Variants in ESRRB observed in about 807,000 individuals in gnomAD.
The protein encoded by ESRRB is estrogen related receptor beta.
A neutral mutation model predicts 46.0 loss-of-function variants in ESRRB; 16 were observed. The observed-to-expected ratio is 0.35, with a 90% CI of 0.24 to 0.53. ESRRB has a LOEUF of 0.53. ESRRB is among the 20% of genes least tolerant of loss of function. The pLI is 0.93. For synonymous variants in ESRRB, 246 were observed against 259.6 expected (o/e 0.95, Z 0.50); for missense variants, 488 against 607.4 (o/e 0.80, Z 2.07).
intron 1 of ESRRB, among the ~76,000 whole-genome samples, chr14:76,382,373 C>A (rs1442809823): frequency 1.3e-5 from 2 of 152,196 alleles, no homozygotes; most frequent in East Asian, 3.9e-4. Flanking sequence ...AGGTGGCTGT[C>A]CCTCTGGTTT....
At position 76,441,607 on chromosome 14, in the gene ESRRB, C is replaced by T. The variant is rs183606162; in HGVS notation, c.460+1857C>T. ...TGCTGGGATTACAGGCCTGAGCCAC[C>T]GTGCCTCGCCGATAGCTGTGACTGT... On this transcript the variant is annotated intron_variant, in intron 2 of 6. Transcript: ENST00000644823. Among the ~76,000 whole-genome samples the T allele has an allele frequency of 2.6e-5, 4 of 152,328 alleles. No individual in the cohort carries two copies. In the East Asian group the frequency reaches 5.8e-4, roughly 22 times the overall value.
At chr14:76,321,355 T>A (rs6574288) in intron 1 of ESRRB, among the ~76,000 whole-genome samples, 120,371 of 152,044 alleles carry the variant, frequency 0.79, 47,935 homozygotes, top group South Asian at 0.86. Flanking sequence ...GAGCCTGGGG[T>A]CATGCCTTGT....
chr14:76,408,403 A>G (rs1566881343), intron 1 of ESRRB, among the ~76,000 whole-genome samples: 1 of 151,852 alleles, frequency 6.6e-6, no homozygotes, highest in South Asian at 2.1e-4. Context: ...ACATGGCAAG[A>G]CTCTGTCTCT....
chr14:76,468,174 C>T (rs1217405540), intron 3 of ESRRB, among the ~76,000 whole-genome samples: 1 of 152,158 alleles, frequency 6.6e-6, no homozygotes, highest in Non-Finnish European at 1.5e-5. Flanking sequence ...CTGCCTCTAG[C>T]CCATGCCAGA....
intron 2 of ESRRB, among the ~76,000 whole-genome samples, chr14:76,459,293 T>C (rs1012312535): frequency 6.6e-6 from 1 of 152,124 alleles, no homozygotes; most frequent in Non-Finnish European, 1.5e-5. Flanking sequence ...AGCGGCTGGG[T>C]GTCCCAGGCA....
chr14:76,372,867 A>G (rs1169718902), upstream of ESRRB, among the ~76,000 whole-genome samples: 2 of 152,212 alleles, frequency 1.3e-5, no homozygotes, highest in Non-Finnish European at 2.9e-5. Context: ...CTTGTCTTTT[A>G]AGATTTAGGA....
chr14:76,374,028 T>A (rs1359923668), upstream of ESRRB, among the ~76,000 whole-genome samples: 2 of 151,812 alleles, frequency 1.3e-5, no homozygotes, highest in South Asian at 2.1e-4. Context: ...CCACACAGAG[T>A]AAGGAGTCAA....
chr14:76,326,295 A>G (rs2139731865), intron 1 of ESRRB, among the ~76,000 whole-genome samples: 1 of 152,334 alleles, frequency 6.6e-6, no homozygotes, highest in Non-Finnish European at 1.5e-5. Flanking sequence ...GAAGTGAAGG[A>G]ACCTACACAT....
At chr14:76,407,816 G>A (rs1015387778) in intron 1 of ESRRB, among the ~76,000 whole-genome samples, 1 of 152,244 alleles carries the variant, frequency 6.6e-6, no homozygotes, top group Admixed American at 6.5e-5. Context: ...TGAGACCCAC[G>A]TGGAGGGAGG....
chr14:76,351,178 G>C (rs1884309506), intron 1 of ESRRB, among the ~76,000 whole-genome samples: 1 of 152,190 alleles, frequency 6.6e-6, no homozygotes, highest in African/African-American at 2.4e-5. Context: ...CCCATGAATG[G>C]AAAAGAATTA....
rs546872279 is a variant in ESRRB at position 76,455,221 on chromosome 14, A to T, written c.461-7324A>T. On this transcript the variant is annotated intron_variant, in intron 2 of 6. Coordinates refer to ENST00000644823, the MANE Select transcript of ESRRB (RefSeq NM_001379180.1). The stretch of plus-strand genomic sequence containing the variant: ...GACAGAGCAAGACTTTGTCTCAAAA[A>T]AAATATATATATATGTTTTATAATG... Among the ~76,000 whole-genome samples the T allele has an allele frequency of 1.2e-3, 186 of 152,094 alleles. 1 individual carries two copies. Among genetic ancestry groups the T allele is most frequent in the South Asian group, 3.7e-3 (18 of 4,810 alleles).
intron 1 of ESRRB, among the ~76,000 whole-genome samples, chr14:76,361,892 G>T (rs116547713): frequency 6.6e-6 from 1 of 152,196 alleles, no homozygotes; most frequent in African/African-American, 2.4e-5. Flanking sequence ...GGGAAGATAT[G>T]TTTGGTCCTC....
In ESRRB at chr14:76,411,290, A is replaced by G. The variant is rs189679201; in HGVS notation, c.51-28051A>G. Among the ~76,000 whole-genome samples the G allele has an allele frequency of 9.9e-5, 15 of 152,096 alleles. No individual in the cohort carries two copies. The East Asian group carries it at 2.9e-3, about 30-fold the overall frequency. On this transcript the variant is annotated intron_variant, in intron 1 of 6. Transcript: ENST00000644823. Reference sequence around the variant, plus strand: ...TGGTGAAACCCCATCTCTACTAAAAATACAAAAATTAGCCGGGCATGGTGG... The same window carrying G: ...TGGTGAAACCCCATCTCTACTAAAAGTACAAAAATTAGCCGGGCATGGTGG...
In ESRRB at chr14:76,331,009, C is replaced by T. The variant is rs1884007011; in HGVS notation, c.2+20093C>T. Among the ~76,000 whole-genome samples, 3 of 152,036 alleles carry T rather than the reference C, an allele frequency of 2.0e-5. No individual in the cohort carries two copies. In the South Asian group the frequency reaches 6.2e-4, roughly 32 times the overall value. On this transcript the variant is annotated intron_variant, in intron 1 of 6. Transcript: ENST00000512784. ...GAGAGATGGGGTCAGTTAGGTAAGCCCTCGGTTTCTGGGGACAGCCTGTCC... is the reference window on the plus strand; with the variant it reads ...GAGAGATGGGGTCAGTTAGGTAAGCTCTCGGTTTCTGGGGACAGCCTGTCC...
At chr14:76,455,892 A>C (rs933698944) in intron 2 of ESRRB, among the ~76,000 whole-genome samples, 8 of 151,904 alleles carry the variant, frequency 5.3e-5, no homozygotes, top group African/African-American at 1.9e-4. Flanking sequence ...AAAAATACAA[A>C]AATTAGCTGG....
chr14:76,331,077 C>T (rs1217159606), intron 1 of ESRRB, among the ~76,000 whole-genome samples: 1 of 152,126 alleles, frequency 6.6e-6, no homozygotes, highest in Non-Finnish European at 1.5e-5. Flanking sequence ...AGATAGGAAC[C>T]TACCAGATGG....
intron 3 of ESRRB, among the ~76,000 whole-genome samples, chr14:76,478,209 T>C (rs4903413): frequency 0.1 from 15,697 of 152,162 alleles, 983 homozygotes; most frequent in East Asian, 0.22. Flanking sequence ...CCTTAACGGG[T>C]GCCTAGTCAG....
intron 5 of ESRRB, among the ~76,000 whole-genome samples, chr14:76,488,436 A>AC (rs2140043887): frequency 6.6e-6 from 1 of 152,070 alleles, no homozygotes; most frequent in African/African-American, 2.4e-5. Flanking sequence ...CCCTCCCACC[A>AC]CCCAAGGGCA....
rs1270815330 is a variant in ESRRB, at chr14:76,398,736, G to GTGACAACCCTGT, written c.50+22286_50+22297dup. 2.0e-5 allele frequency among the ~76,000 whole-genome samples: 3 copies of GTGACAACCCTGT among 152,280 alleles called. No homozygotes were observed. In the East Asian group the frequency reaches 5.8e-4, roughly 29 times the overall value. On this transcript the variant is annotated intron_variant, in intron 1 of 6. Transcript: ENST00000644823. Reference sequence around the variant, plus strand: ...AGATACACATGCTGATAGAATCCTTGTGACAACCCTGTGAGGTAGAAGCTC... The same window carrying GTGACAACCCTGT: ...AGATACACATGCTGATAGAATCCTTGTGACAACCCTGTTGACAACCCTGTGAGGTAGAAGCTC...
Sources: gnomAD v4.1 joint callset for allele counts (sites outside exome capture counted in the v4.1 genomes callset) on GRCh38, gnomAD v4.1.1 for gene constraint, MANE v1.5 for transcripts, NCBI Gene and HGNC (gene_info 2026-07-23, HGNC 2026-07-21) for gene names.